RNF135: variants seen among roughly 807,000 people sequenced by gnomAD.
The protein encoded by RNF135 is ring finger protein 135.
In RNF135, 46 loss-of-function variants were observed where a neutral mutation model predicts 41.9. The observed-to-expected ratio is 1.10, with a 90% CI of 0.87 to 1.40. RNF135 has a LOEUF of 1.40. Among genes scored for constraint, RNF135 ranks in the 40% most tolerant of loss-of-function variants. The probability of loss-of-function intolerance (pLI) is 0.00; values close to 1 mark genes in which losing one functional copy is unlikely to be tolerated. For synonymous variants in RNF135, 238 were observed against 223.8 expected, an observed-to-expected ratio of 1.06 and a Z score of -0.57; for missense variants, 539 against 549.8, an observed-to-expected ratio of 0.98 and a Z score of 0.20.
chr17:30,962,001 C>T, the RNF135 span, among the ~76,000 whole-genome samples: 2 of 152,138 alleles, frequency 1.3e-5, no homozygotes, highest in Non-Finnish European at 2.9e-5. Context: ...AAGGGAGTCT[C>T]CTTAGTGCCA....
At position 30,998,639 on chromosome 17, in the gene RNF135, T is replaced by C. The variant is rs181258188; in HGVS notation, c.770-23T>C. The C allele has an allele frequency of 1.9e-6, 3 of 1,611,188 alleles. No homozygotes were observed. The African/African-American group carries it at 4.0e-5, about 22-fold the overall frequency. On this transcript the variant is annotated intron_variant, in intron 4 of 4. Coordinates refer to ENST00000328381, the MANE Select transcript of RNF135 (RefSeq NM_032322.4). ...CAAAAGATGACCGGCCATGTTCTTA[T>C]TGTTCTTTTTTTTTTTCCAAAGGGG...
chr17:30,963,075 G>C, the RNF135 span, among the ~76,000 whole-genome samples: 1 of 146,896 alleles, frequency 6.8e-6, no homozygotes, highest in Non-Finnish European at 1.5e-5. Context: ...TTGATGAAGT[G>C]ACCATTTGAT....
rs920605231 is a variant in RNF135, at chr17:30,971,316, G to C, written c.243G>C (p.Leu81=). 5.2e-6 allele frequency: 8 copies of C among 1,533,908 alleles called. No homozygotes were observed. The highest frequency in any genetic ancestry group is 7.0e-6 in the Non-Finnish European group (8 of 1,143,636). The part of the protein sequence containing the change: ...HLRKNTLLQD[L]ADKYRRAARE... ...GGAAGAACACGCTACTGCAGGACCT[G>C]GCCGACAAGTACCGCCGCGCCGCAC... The change falls in exon 1 of 5, where the codon CTG becomes CTC. Residue 81 remains leucine, a synonymous_variant. Transcript: ENST00000328381.
At chr17:30,959,162 G>A in the RNF135 span, 1 of 152,144 alleles carries the variant, frequency 6.6e-6, no homozygotes, top group Non-Finnish European at 1.5e-5. Flanking sequence ...CTGGGGATGA[G>A]GAAATTAATA....
intron 1 of RNF135, among the ~76,000 whole-genome samples, chr17:30,979,705 G>A (rs1406069219): frequency 1.7e-3 from 204 of 122,762 alleles, no homozygotes; most frequent in Admixed American, 2.8e-3. Context: ...CTGGCCGGGC[G>A]GGGGGCTGAC....
At chr17:30,978,768 T>C (rs1906688415) in intron 1 of RNF135, 1 of 124,460 alleles carries the variant, frequency 8.0e-6, no homozygotes, top group Non-Finnish European at 1.6e-5. Context: ...TCCGCAGTGT[T>C]TGTGTCCCTG....
At chr17:30,998,263 G>A (rs1908505410) in intron 4 of RNF135, among the ~76,000 whole-genome samples, 1 of 152,204 alleles carries the variant, frequency 6.6e-6, no homozygotes, top group Admixed American at 6.5e-5. Flanking sequence ...TATAGTCTGG[G>A]TGCAGTGGCT....
chr17:30,986,971 A>G (rs564584961), intron 2 of RNF135, among the ~76,000 whole-genome samples: 23 of 152,346 alleles, frequency 1.5e-4, no homozygotes, highest in African/African-American at 5.5e-4. Flanking sequence ...TCTAGCATGT[A>G]GAAAACACTC....
chr17:30,994,229 T>A (rs1408721300), intron 3 of RNF135, among the ~76,000 whole-genome samples: 2 of 152,204 alleles, frequency 1.3e-5, no homozygotes, highest in Non-Finnish European at 2.9e-5. Flanking sequence ...ACATAAAATT[T>A]ACTATCTTAA....
At chr17:30,994,658 A>G (rs1453846978) in intron 3 of RNF135, among the ~76,000 whole-genome samples, 1 of 150,744 alleles carries the variant, frequency 6.6e-6, no homozygotes, top group Non-Finnish European at 1.5e-5. Context: ...TTTGAGACAG[A>G]GTTTCACTCT....
chr17:30,992,335 T>A (rs1207552331), intron 3 of RNF135, among the ~76,000 whole-genome samples: 1 of 152,064 alleles, frequency 6.6e-6, no homozygotes, highest in Non-Finnish European at 1.5e-5. Context: ...GCCAAATTGC[T>A]GGGATTACAG....
chr17:30,971,482 C>G (rs1251546964), intron 1 of RNF135, 37 bp downstream of exon 1: 6 of 1,457,530 alleles, frequency 4.1e-6, no homozygotes, highest in Admixed American at 5.4e-5. Flanking sequence ...CTGGCTCCCC[C>G]GGGCTGCCCG....
chr17:30,988,416 ATTTTTTTT>A (rs56955275), intron 3 of RNF135, among the ~76,000 whole-genome samples: 2 of 81,898 alleles, frequency 2.4e-5, no homozygotes, highest in East Asian at 2.9e-4. Context: ...GCCACTTTTA[ATTTTTTTT>A]TTTTTTTTTT....
At chr17:30,981,279 A>T (rs1464093063) in intron 1 of RNF135, among the ~76,000 whole-genome samples, 1 of 149,402 alleles carries the variant, frequency 6.7e-6, no homozygotes, top group Non-Finnish European at 1.5e-5. Flanking sequence ...AGAATCAGGC[A>T]GGGAGGTTGC....
At chr17:30,991,166 T>G (rs1417195473) in intron 3 of RNF135, among the ~76,000 whole-genome samples, 1 of 152,064 alleles carries the variant, frequency 6.6e-6, no homozygotes, top group Non-Finnish European at 1.5e-5. Context: ...GTCAAACATT[T>G]GTCTTTTTTT....
chr17:30,960,005 A>T, the RNF135 span, among the ~76,000 whole-genome samples: 5 of 151,442 alleles, frequency 3.3e-5, no homozygotes, highest in Non-Finnish European at 5.9e-5. Flanking sequence ...AAAAAAAAGA[A>T]AAAGAAAAGA....
chr17:30,987,884 A>G, intron 2 of RNF135, 60 bp from the exon 3 acceptor site: 2 of 1,454,142 alleles, frequency 1.4e-6, no homozygotes, highest in Non-Finnish European at 1.9e-6. Flanking sequence ...CTTGAATATA[A>G]TAGTTGATAG....
chr17:30,976,630 C>T (rs1452964571), intron 1 of RNF135, among the ~76,000 whole-genome samples: 1 of 152,124 alleles, frequency 6.6e-6, no homozygotes, highest in Non-Finnish European at 1.5e-5. Context: ...TGTCTGGGTG[C>T]TTTAGTGTTG....
At chr17:30,977,123 G>A (rs995152188) in intron 1 of RNF135, among the ~76,000 whole-genome samples, 1 of 151,894 alleles carries the variant, frequency 6.6e-6, no homozygotes, top group African/African-American at 2.4e-5. Flanking sequence ...TTTGATTTGA[G>A]GTTACCATGA....
Sources: gnomAD v4.1 joint callset for allele counts (sites outside exome capture counted in the v4.1 genomes callset) on GRCh38, gnomAD v4.1.1 for gene constraint, MANE v1.5 for transcripts, NCBI Gene and HGNC (gene_info 2026-07-23, HGNC 2026-07-21) for gene names.